Variants in CHST9 observed in about 807,000 individuals in gnomAD.
CHST9 encodes the protein carbohydrate sulfotransferase 9, also known as GalNAc-4-sulfotransferase 2.
A neutral mutation model predicts 44.4 loss-of-function variants in CHST9; 41 were observed. The observed-to-expected ratio is 0.92, with a 90% CI of 0.72 to 1.20. The LOEUF is 1.20. Among genes scored for constraint, CHST9 ranks in the 50% most tolerant of loss-of-function variants. The pLI, the probability that CHST9 is intolerant of heterozygous loss-of-function variation, is 0.00. For synonymous variants in CHST9, 171 were observed against 178.4 expected (o/e 0.96, Z 0.33); for missense variants, 504 against 516.5 (o/e 0.98, Z 0.23).
At chr18:26,952,895 G>C (rs1337727082) in intron 4 of CHST9, among the ~76,000 whole-genome samples, 2 of 152,098 alleles carry the variant, frequency 1.3e-5, no homozygotes, top group Admixed American at 6.6e-5. Flanking sequence ...TAGAGTTATG[G>C]TTAGCAAGCT....
chr18:26,960,056 A>G (rs2056379817), intron 4 of CHST9, among the ~76,000 whole-genome samples: 1 of 152,194 alleles, frequency 6.6e-6, no homozygotes, highest in South Asian at 2.1e-4. Context: ...AATAGGTCCA[A>G]TTTAAAGAAG....
At chr18:27,075,369 G>A (rs2057893053) in intron 2 of CHST9, among the ~76,000 whole-genome samples, 1 of 152,076 alleles carries the variant, frequency 6.6e-6, no homozygotes, top group East Asian at 1.9e-4. Context: ...GAAGAAAAAA[G>A]AAAGCCTTGT....
intron 4 of CHST9, among the ~76,000 whole-genome samples, chr18:26,970,176 C>T (rs1291577017): frequency 3.9e-5 from 6 of 152,176 alleles, no homozygotes; most frequent in African/African-American, 1.4e-4. Context: ...CAGACTCACC[C>T]TGCTGTGATG....
chr18:26,954,363 A>G (rs16943049), intron 4 of CHST9, among the ~76,000 whole-genome samples: 44,101 of 151,990 alleles, frequency 0.29, 7,583 homozygotes, highest in African/African-American at 0.48. Context: ...GTCTAACCAC[A>G]GTCCCCAATT....
At chr18:26,949,032 A>T (rs2056205498) in intron 4 of CHST9, among the ~76,000 whole-genome samples, 1 of 152,164 alleles carries the variant, frequency 6.6e-6, no homozygotes, top group Admixed American at 6.6e-5. Context: ...GAAGGAGGCC[A>T]GCAAAAGTCT....
chr18:27,073,471 G>A (rs1259206993), intron 2 of CHST9, among the ~76,000 whole-genome samples: 6 of 151,990 alleles, frequency 3.9e-5, no homozygotes, highest in Non-Finnish European at 7.4e-5. Flanking sequence ...AGACTGAGTA[G>A]CCCAGACTGT....
At chr18:27,182,645 C>T (rs1361960705) in intron 1 of CHST9, among the ~76,000 whole-genome samples, 2 of 152,102 alleles carry the variant, frequency 1.3e-5, no homozygotes, top group African/African-American at 4.8e-5. Context: ...AGCAAACACC[C>T]CTAAATGGGA....
At chr18:26,965,222 C>T (rs1001070564) in intron 4 of CHST9, among the ~76,000 whole-genome samples, 3 of 152,070 alleles carry the variant, frequency 2.0e-5, no homozygotes, top group East Asian at 1.9e-4. Flanking sequence ...GGTCATGGCC[C>T]GAAGCTGCAC....
intron 4 of CHST9, among the ~76,000 whole-genome samples, chr18:26,950,379 T>C (rs759974173): frequency 1.3e-5 from 2 of 152,174 alleles, no homozygotes; most frequent in Non-Finnish European, 2.9e-5. Flanking sequence ...TCTTAAGACA[T>C]AGAAAAGCAA....
intron 3 of CHST9, among the ~76,000 whole-genome samples, chr18:27,026,832 A>G (rs974505307): frequency 6.6e-6 from 1 of 152,222 alleles, no homozygotes; most frequent in Non-Finnish European, 1.5e-5. Context: ...CTGTTCTTAT[A>G]TTGTGTTTAG....
At chr18:27,147,820 TG>T (rs1393466231) in intron 1 of CHST9, 28 of 152,004 alleles carry the variant, frequency 1.8e-4, no homozygotes, top group Admixed American at 1.4e-3. Context: ...TGTGTTTATC[TG>T]GACACTATTC....
chr18:26,921,716 A>G (rs1301132618), intron 5 of CHST9, among the ~76,000 whole-genome samples: 1 of 152,222 alleles, frequency 6.6e-6, no homozygotes, highest in Non-Finnish European at 1.5e-5. Flanking sequence ...ATAATAAAAG[A>G]GTAAAATCTT....
chr18:27,177,121 G>A (rs780126765), intron 1 of CHST9, among the ~76,000 whole-genome samples: 2 of 151,906 alleles, frequency 1.3e-5, no homozygotes, highest in Non-Finnish European at 2.9e-5. Flanking sequence ...AAAATAGAGT[G>A]CAAATGTTAG....
At position 27,037,812 on chromosome 18, in the gene CHST9, C is replaced by T. The variant is rs554821352; in HGVS notation, c.160+10653G>A. ...ATTTAAAAGCAAGAGATGATTAAATCCATCTTTCAGGTCATTTAGTTAAGT... is the reference window on the plus strand; with the variant it reads ...ATTTAAAAGCAAGAGATGATTAAATTCATCTTTCAGGTCATTTAGTTAAGT... On this transcript the variant is annotated intron_variant, in intron 3 of 5. Transcript: ENST00000618847. 5.9e-4 allele frequency among the ~76,000 whole-genome samples: 89 copies of T among 151,758 alleles called. No homozygotes were observed. The South Asian group carries it at 8.1e-3, about 14-fold the overall frequency.
chr18:27,083,201 A>G (rs1280772096), intron 2 of CHST9, among the ~76,000 whole-genome samples: 1 of 152,200 alleles, frequency 6.6e-6, no homozygotes, highest in East Asian at 1.9e-4. Context: ...GCTTGCTTAA[A>G]TAGGCATTGG....
At chr18:27,162,280 A>C (rs2058753796) in intron 1 of CHST9, among the ~76,000 whole-genome samples, 1 of 152,048 alleles carries the variant, frequency 6.6e-6, no homozygotes, top group South Asian at 2.1e-4. Context: ...TGCTTCCTTC[A>C]GGAGCTCTTT....
At chr18:27,047,441 G>T (rs879530251) in intron 3 of CHST9, among the ~76,000 whole-genome samples, 7 of 141,762 alleles carry the variant, frequency 4.9e-5, no homozygotes, top group Non-Finnish European at 7.7e-5. Flanking sequence ...GGCTTTAAAA[G>T]GTTCCCAGAG....
intron 2 of CHST9, among the ~76,000 whole-genome samples, chr18:27,104,695 C>T (rs1178366062): frequency 6.6e-6 from 1 of 152,166 alleles, no homozygotes; most frequent in Admixed American, 6.5e-5. Flanking sequence ...TTGAGATATG[C>T]ACTTTCCATA....
chr18:27,158,587 C>A (rs1475717369), intron 1 of CHST9, among the ~76,000 whole-genome samples: 5 of 151,812 alleles, frequency 3.3e-5, no homozygotes. Context: ...GTCTTTATAG[C>A]AGCATGATTT....
Sources: gnomAD v4.1 joint callset for allele counts (sites outside exome capture counted in the v4.1 genomes callset) on GRCh38, gnomAD v4.1.1 for gene constraint, MANE v1.5 for transcripts, NCBI Gene and HGNC (gene_info 2026-07-23, HGNC 2026-07-21) for gene names.